The following MICALL1 variants were observed in gnomAD, a reference collection of about 807,000 sequenced individuals.
MICALL1 encodes MICAL-like protein 1.
MICALL1 carries 61 observed loss-of-function variants against 83.7 expected under a neutral mutation model. That is an observed-to-expected ratio of 0.73 (90% CI 0.59 to 0.90). MICALL1 has a LOEUF of 0.90. Ranked by LOEUF, MICALL1 falls within the 40% of genes least tolerant of loss-of-function variation. The pLI is 0.00. For missense variants in MICALL1, 1,066 were observed against 1,152.0 expected (o/e 0.93, Z 1.08); for synonymous variants, 481 against 473.6 (o/e 1.02, Z -0.20).
At chr22:37,908,317 T>G (rs543866737) in intron 1 of MICALL1, among the ~76,000 whole-genome samples, 203 of 152,108 alleles carry the variant, frequency 1.3e-3, no homozygotes, top group African/African-American at 4.8e-3. Flanking sequence ...TTTTATTTTT[T>G]TGAGATGGGG....
rs1187115100 is a variant in MICALL1 at position 37,940,730 on chromosome 22, C to T, written c.2492C>T (p.Pro831Leu). 6.2e-7 allele frequency: 1 copy of T among 1,614,020 alleles called. No individual in the cohort carries two copies. Among genetic ancestry groups the T allele is most frequent in the East Asian group, 2.2e-5 (1 of 44,868 alleles). Residue 831 changes from proline (P) to leucine (L), a missense_variant, in exon 16 of 16, where the codon CCT becomes CTT. Pro to Leu is a moderately conservative substitution (Grantham distance 98). Coordinates refer to ENST00000215957, the MANE Select transcript of MICALL1 (RefSeq NM_033386.4). ...GCAGAGTTCCAGAGGGAGGCTGAAC[C>T]TGAGGGCAAGAAGAAGGGGAAGTTC... is the stretch of plus-strand genomic sequence containing the variant. ...KKKEFQREAEPEGKKKGKFKT... is the reference protein window; with the variant it reads ...KKKEFQREAELEGKKKGKFKT...
At chr22:37,927,002 T>C in intron 8 of MICALL1, 1 of 231,400 alleles carries the variant, frequency 4.3e-6, no homozygotes, top group Non-Finnish European at 8.5e-6. Flanking sequence ...AGGAGATAAA[T>C]TGGTGCCCGG....
intron 3 of MICALL1, among the ~76,000 whole-genome samples, chr22:37,912,907 C>A (rs1928428358): frequency 6.6e-6 from 1 of 151,606 alleles, no homozygotes; most frequent in Admixed American, 6.6e-5. Flanking sequence ...GTGATCTGCC[C>A]GCCTTGGCCT....
Position 37,927,653 on chromosome 22 carries a change from A to G in MICALL1, c.1708A>G (p.Arg570Gly). ...LASSGELVEP[R>G]VEQMPQASPG... The stretch of plus-strand genomic sequence containing the variant: ...CTCCTCTGGGGAACTAGTGGAGCCT[A>G]GAGTGGAACAAATGCCTCAAGCCAG... The change falls in exon 9 of 16, where the codon AGA (arginine) becomes GGA (glycine). Residue 570 changes from arginine to glycine, a missense_variant. By Grantham distance (125) the Arg-to-Gly change is moderately radical (BLOSUM62 -2). Transcript: ENST00000215957. 6.2e-7 allele frequency: 1 copy of G among 1,614,138 alleles called. No homozygotes were observed. The highest frequency in any genetic ancestry group is 1.6e-4 in the Middle Eastern group (1 of 6,062).
chr22:37,924,045 C>T lies in MICALL1; in HGVS notation c.1025-615C>T, dbSNP rs568977951. Among the ~76,000 whole-genome samples the T allele has an allele frequency of 1.3e-5, 2 of 152,176 alleles. No homozygotes were observed. Among genetic ancestry groups the T allele is most frequent in the Admixed American group, 1.3e-4 (2 of 15,280 alleles). Reference sequence around the variant, plus strand: ...AGACTCCTTGTATAAGGCTGCTGGGCAGCCCTTATCATTCCATTAGGGAAG... The same window carrying T: ...AGACTCCTTGTATAAGGCTGCTGGGTAGCCCTTATCATTCCATTAGGGAAG... On this transcript the variant is annotated intron_variant, in intron 6 of 15. Coordinates refer to ENST00000215957, the MANE Select transcript of MICALL1 (RefSeq NM_033386.4). The surrounding 1 kb of genome is among the most constrained non-coding windows in gnomAD (Gnocchi z 5.2).
At chr22:37,919,001 C>T (rs766136715) in intron 4 of MICALL1, 35 bp from the exon 5 acceptor site, 7 of 1,520,906 alleles carry the variant, frequency 4.6e-6, no homozygotes, top group Non-Finnish European at 6.2e-6. Flanking sequence ...GTGACCATGT[C>T]CTGCTCCCAA....
Position 37,924,945 on chromosome 22 carries a change from G to A in MICALL1, c.1082+228G>A, listed in dbSNP as rs1004009039. Among the ~76,000 whole-genome samples, 16 of 152,294 alleles carry A rather than the reference G, an allele frequency of 1.1e-4. No individual in the cohort carries two copies. The highest frequency in any genetic ancestry group is 3.8e-4 in the African/African-American group (16 of 41,568). Reference sequence around the variant, plus strand: ...CCTGCTCCTGTGGGCAGTGCCCGGTGCAGGCAGCCACCTCTGGTACCCGTT... The same window carrying A: ...CCTGCTCCTGTGGGCAGTGCCCGGTACAGGCAGCCACCTCTGGTACCCGTT... On this transcript the variant is annotated intron_variant, in intron 7 of 15. Transcript: ENST00000215957. The surrounding 1 kb of genome is among the most constrained non-coding windows in gnomAD (Gnocchi z 5.2).
Position 37,912,041 on chromosome 22 carries a change from A to ATGTG in MICALL1, c.195+61_195+64dup, listed in dbSNP as rs3041723. 3,110 of 1,517,972 alleles carry ATGTG rather than the reference A, an allele frequency of 2.0e-3. 3 individuals are homozygous for ATGTG. The highest frequency in any genetic ancestry group is 3.1e-3 in the East Asian group (134 of 43,270). 94.0% of individuals were successfully genotyped at this position (1,517,972 alleles called of 1,614,324 possible). On this transcript the variant is annotated intron_variant, in intron 2 of 15. Transcript: ENST00000215957. ...GGTGGAAGCCCAAGAGGCTCTGTGTATGTGTGTGTGTGTGTGTGTGTGTTT... is the reference window on the plus strand; with the variant it reads ...GGTGGAAGCCCAAGAGGCTCTGTGTATGTGTGTGTGTGTGTGTGTGTGTGTGTTT...
rs1008998545 is a variant in MICALL1 at position 37,930,056 on chromosome 22, CT to C, written c.1882-1742del. On this transcript the variant is annotated intron_variant, in intron 9 of 15. Transcript: ENST00000215957. The surrounding 1 kb of genome is among the most constrained non-coding windows in gnomAD (Gnocchi z 4.8). ...GTGTCCTGAGTGCTCGAAAGACCCC[CT>C]GGTTCCTTGGTGGTGGAGGGCACGG... 3.3e-5 allele frequency among the ~76,000 whole-genome samples: 5 copies of C among 152,220 alleles called. No homozygotes were observed. The highest frequency in any genetic ancestry group is 2.6e-4 in the Admixed American group (4 of 15,276).
chr22:37,936,382 C>G (rs369428190), intron 13 of MICALL1, among the ~76,000 whole-genome samples: 1 of 152,228 alleles, frequency 6.6e-6, no homozygotes, highest in Non-Finnish European at 1.5e-5. Context: ...CTCCTCGCCC[C>G]TGCCCCACTC....
Position 37,906,709 on chromosome 22 carries a change from G to A in MICALL1, c.146+141G>A. The A allele has an allele frequency of 1.2e-6, 1 of 808,778 alleles. No homozygotes were observed. The highest frequency in any genetic ancestry group is 5.9e-5 in the East Asian group (1 of 17,020). 50.1% of individuals were successfully genotyped at this position (808,778 alleles called of 1,614,324 possible). ...GACGCCGACCCCCCCGACGGCCCCG[G>A]ACGCCGGGCGGGTCCCTGAGACCCC... On this transcript the variant is annotated intron_variant, in intron 1 of 15. Coordinates refer to ENST00000215957, the MANE Select transcript of MICALL1 (RefSeq NM_033386.4). This position sits in a 1 kb window ranked among gnomAD's most constrained non-coding sequence, Gnocchi z 4.4.
chr22:37,923,433 G>C lies in MICALL1; in HGVS notation c.1024+1007G>C, dbSNP rs1208245084. 1.3e-5 allele frequency among the ~76,000 whole-genome samples: 2 copies of C among 152,126 alleles called. 1 individual carries two copies. Among genetic ancestry groups the C allele is most frequent in the East Asian group, 3.9e-4 (2 of 5,184 alleles). The stretch of plus-strand genomic sequence containing the variant: ...GGTAGAGATGGGTTTTCACCATGTT[G>C]GCCAGGCTGGTCTCGAACTCCTGAC... On this transcript the variant is annotated intron_variant, in intron 6 of 15. Coordinates refer to ENST00000215957, the MANE Select transcript of MICALL1 (RefSeq NM_033386.4).
At chr22:37,910,973 G>C (rs1370918310) in intron 1 of MICALL1, among the ~76,000 whole-genome samples, 5 of 152,242 alleles carry the variant, frequency 3.3e-5, no homozygotes, top group Non-Finnish European at 7.3e-5. Flanking sequence ...CCGGCAGTCA[G>C]GGCTGCAGTT....
intron 5 of MICALL1, among the ~76,000 whole-genome samples, chr22:37,919,973 C>T (rs990794209): frequency 3.3e-5 from 5 of 151,876 alleles, no homozygotes; most frequent in African/African-American, 7.3e-5. Context: ...GGCGACAGAA[C>T]GAGACTCTGT....
intron 6 of MICALL1, among the ~76,000 whole-genome samples, chr22:37,923,682 G>A (rs1032787171): frequency 2.0e-5 from 3 of 152,306 alleles, no homozygotes; most frequent in Non-Finnish European, 2.9e-5. Context: ...CTGTTCTTGT[G>A]GGCTTTAGTT....
intron 3 of MICALL1, among the ~76,000 whole-genome samples, chr22:37,915,894 A>T (rs551973363): frequency 1.3e-5 from 2 of 152,206 alleles, no homozygotes; most frequent in East Asian, 3.9e-4. Flanking sequence ...TGATCCACCC[A>T]CCTTGGCCTC....
intron 13 of MICALL1, among the ~76,000 whole-genome samples, chr22:37,935,502 G>T (rs1408230345): frequency 1.4e-5 from 2 of 146,408 alleles, no homozygotes; most frequent in Non-Finnish European, 3.0e-5. Flanking sequence ...CTCGTGATCC[G>T]CCCACCTCGG....
At chr22:37,911,196 T>C (rs540452349) in intron 1 of MICALL1, among the ~76,000 whole-genome samples, 3 of 152,346 alleles carry the variant, frequency 2.0e-5, no homozygotes, top group East Asian at 3.9e-4. Flanking sequence ...CCCTCACTGC[T>C]TCCCCAATGG....
chr22:37,923,061 G>A (rs186656510), intron 6 of MICALL1, among the ~76,000 whole-genome samples: 21 of 151,092 alleles, frequency 1.4e-4, no homozygotes, highest in Non-Finnish European at 2.7e-4. Flanking sequence ...TCAGCCTCTT[G>A]AGTAGCTGGG....
Sources: allele counts gnomAD v4.1 joint callset (sites outside exome capture counted in the v4.1 genomes callset), GRCh38; gene constraint gnomAD v4.1.1; non-coding constraint Gnocchi (gnomAD v3.1); transcripts MANE v1.5; gene names NCBI Gene and HGNC (gene_info 2026-07-23, HGNC 2026-07-21).